Variants in STK3 observed in about 807,000 individuals in gnomAD.
STK3 encodes the protein serine/threonine-protein kinase 3.
A neutral mutation model predicts 58.0 loss-of-function variants in STK3; 41 were observed. The observed-to-expected ratio is 0.71, with a 90% CI of 0.55 to 0.92. The LOEUF (loss-of-function observed/expected upper bound fraction) is 0.92. Ranked by LOEUF, STK3 falls within the 40% of genes least tolerant of loss-of-function variation. The pLI, the probability that STK3 is intolerant of heterozygous loss-of-function variation, is 0.00. For missense variants in STK3, 479 were observed against 602.7 expected (o/e 0.79, Z 2.15); for synonymous variants, 170 against 191.0 (o/e 0.89, Z 0.91).
chr8:98,927,260 A>G (rs1185743001), intron 1 of STK3, among the ~76,000 whole-genome samples: 1 of 152,200 alleles, frequency 6.6e-6, no homozygotes, highest in Admixed American at 6.5e-5. Context: ...GGGTTGGACC[A>G]TGTGTTGGCC....
intron 9 of STK3, among the ~76,000 whole-genome samples, chr8:98,530,996 A>G (rs956685252): frequency 6.6e-6 from 1 of 152,186 alleles, no homozygotes; most frequent in Admixed American, 6.5e-5. Context: ...CGCTATTACC[A>G]TCACACTTGC....
At chr8:98,689,606 T>C (rs1343983917) in intron 6 of STK3, among the ~76,000 whole-genome samples, 1 of 151,956 alleles carries the variant, frequency 6.6e-6, no homozygotes, top group Non-Finnish European at 1.5e-5. Context: ...TATATTGAGA[T>C]CCCATCTCTC....
At chr8:98,833,521 G>A (rs2131788834) in intron 3 of STK3, among the ~76,000 whole-genome samples, 1 of 152,330 alleles carries the variant, frequency 6.6e-6, no homozygotes, top group Non-Finnish European at 1.5e-5. Flanking sequence ...ACAAGAGACA[G>A]CTTTGCAGGG....
At chr8:98,576,520 A>C (rs927508897) in intron 8 of STK3, among the ~76,000 whole-genome samples, 1 of 152,206 alleles carries the variant, frequency 6.6e-6, no homozygotes, top group Non-Finnish European at 1.5e-5. Context: ...ATGTCTTCTA[A>C]TCTCTGAACA....
intron 10 of STK3, among the ~76,000 whole-genome samples, chr8:98,513,440 C>G (rs1017496368): frequency 3.9e-5 from 6 of 152,176 alleles, no homozygotes; most frequent in Non-Finnish European, 5.9e-5. Context: ...ATCTCACTTT[C>G]CAGCTGGACT....
At chr8:98,704,986 T>C (rs1273891676) in intron 6 of STK3, among the ~76,000 whole-genome samples, 1 of 152,202 alleles carries the variant, frequency 6.6e-6, no homozygotes, top group Non-Finnish European at 1.5e-5. Context: ...TGATCAGAGA[T>C]GAAATAAGAC....
At chr8:98,771,741 T>C (rs990214911) in intron 2 of STK3, among the ~76,000 whole-genome samples, 10 of 152,036 alleles carry the variant, frequency 6.6e-5, no homozygotes, top group Non-Finnish European at 1.3e-4. Context: ...ATTTTTGTAT[T>C]TTTAGTAGAG....
intron 4 of STK3, among the ~76,000 whole-genome samples, chr8:98,727,447 T>C (rs1418154010): frequency 6.6e-6 from 1 of 152,160 alleles, no homozygotes; most frequent in Non-Finnish European, 1.5e-5. Flanking sequence ...AACAAATAAA[T>C]TCCCTCTTTG....
intron 3 of STK3, among the ~76,000 whole-genome samples, chr8:98,418,312 C>T (rs1210674488): frequency 6.6e-6 from 1 of 152,210 alleles, no homozygotes; most frequent in Non-Finnish European, 1.5e-5. Flanking sequence ...CGTGGTATCT[C>T]AGAAGCTATC....
At chr8:98,893,468 A>G (rs1270006136) in intron 1 of STK3, among the ~76,000 whole-genome samples, 1 of 97,844 alleles carries the variant, frequency 1.0e-5, no homozygotes, top group African/African-American at 5.2e-5. Context: ...GAAAGAAAGA[A>G]AGAAAGAAAG....
intron 3 of STK3, among the ~76,000 whole-genome samples, chr8:98,409,456 G>T (rs755196291): frequency 6.6e-6 from 1 of 152,132 alleles, no homozygotes; most frequent in Non-Finnish European, 1.5e-5. Flanking sequence ...CCTTCCCAAG[G>T]CAACTCTGCC....
intron 3 of STK3, among the ~76,000 whole-genome samples, chr8:98,839,989 C>T (rs746257648): frequency 1.2e-3 from 190 of 152,008 alleles, no homozygotes; most frequent in South Asian, 1.0e-3. Context: ...AGAGAAGGGT[C>T]TGAACACCAC....
chr8:98,754,271 C>T (rs111547984), intron 3 of STK3, among the ~76,000 whole-genome samples: 1 of 151,948 alleles, frequency 6.6e-6, no homozygotes, highest in Non-Finnish European at 1.5e-5. Flanking sequence ...AAAAAAAATT[C>T]TTTACATGTA....
intron 1 of STK3, among the ~76,000 whole-genome samples, chr8:98,806,731 C>A (rs1833904674): frequency 6.6e-6 from 1 of 152,038 alleles, no homozygotes; most frequent in Admixed American, 6.5e-5. Flanking sequence ...ACTTCTCTAC[C>A]TTGAGTCTTA....
chr8:98,578,318 T>C (rs1167000443), intron 8 of STK3, among the ~76,000 whole-genome samples: 1 of 152,140 alleles, frequency 6.6e-6, no homozygotes, highest in Non-Finnish European at 1.5e-5. Flanking sequence ...CTGAAAAAAA[T>C]ACCTTTTGAA....
intron 3 of STK3, among the ~76,000 whole-genome samples, chr8:98,407,639 G>A (rs1178382872): frequency 6.6e-6 from 1 of 152,156 alleles, no homozygotes; most frequent in East Asian, 1.9e-4. Flanking sequence ...ATGGGGAAGA[G>A]CTGTCTTCCT....
At chr8:98,543,073 AG>A (rs1475222505) in intron 9 of STK3, among the ~76,000 whole-genome samples, 2 of 152,192 alleles carry the variant, frequency 1.3e-5, no homozygotes, top group Non-Finnish European at 2.9e-5. Flanking sequence ...AGCCTATTAG[AG>A]GGGCACTTAT....
At chr8:98,778,666 G>T (rs1275777193) in intron 1 of STK3, among the ~76,000 whole-genome samples, 1 of 152,152 alleles carries the variant, frequency 6.6e-6, no homozygotes, top group East Asian at 1.9e-4. Flanking sequence ...TTAAGAAAAT[G>T]TGGTACATAT....
At chr8:98,625,625 A>G (rs1421921543) in intron 6 of STK3, among the ~76,000 whole-genome samples, 2 of 152,230 alleles carry the variant, frequency 1.3e-5, no homozygotes, top group Admixed American at 1.3e-4. Context: ...CAGGATGAAC[A>G]GTAACTCATC....
Sources: gnomAD v4.1 joint callset for allele counts (sites outside exome capture counted in the v4.1 genomes callset) on GRCh38, gnomAD v4.1.1 for gene constraint, MANE v1.5 for transcripts, NCBI Gene and HGNC (gene_info 2026-07-23, HGNC 2026-07-21) for gene names.